AP3S1: variants seen among roughly 807,000 people sequenced by gnomAD.
AP3S1 encodes adaptor related protein complex 3 subunit sigma 1.
AP3S1 carries 12 observed loss-of-function variants against 21.3 expected under a neutral mutation model. The ratio of observed to expected loss-of-function variants is 0.56; its 90% CI spans 0.36 to 0.91. The LOEUF is 0.91. Among genes scored for constraint, AP3S1 ranks in the 40% least tolerant of loss-of-function variants. The probability of loss-of-function intolerance (pLI) is 0.01; values close to 1 mark genes in which losing one functional copy is unlikely to be tolerated. For missense variants in AP3S1, 116 were observed against 225.0 expected, an observed-to-expected ratio of 0.52 and a Z score of 3.10; for synonymous variants, 48 against 78.4, an observed-to-expected ratio of 0.61 and a Z score of 2.05.
intron 3 of AP3S1, among the ~76,000 whole-genome samples, chr5:115,874,133 C>A (rs1470425079): frequency 6.6e-6 from 1 of 152,034 alleles, no homozygotes; most frequent in Non-Finnish European, 1.5e-5. Flanking sequence ...GCTACCCAAA[C>A]GAATGATCAG....
At chr5:115,898,068 C>T (rs949783636) in intron 4 of AP3S1, among the ~76,000 whole-genome samples, 1 of 152,204 alleles carries the variant, frequency 6.6e-6, no homozygotes. Flanking sequence ...CCCATTCACG[C>T]AGTATGTTTA....
At chr5:115,842,316 C>T (rs1475541194) in intron 1 of AP3S1, among the ~76,000 whole-genome samples, 2 of 152,194 alleles carry the variant, frequency 1.3e-5, no homozygotes, top group African/African-American at 2.4e-5. Context: ...CGTGGCTTTG[C>T]CCGGGCGGTT....
chr5:115,906,501 A>G (rs1254005972), intron 5 of AP3S1, among the ~76,000 whole-genome samples: 2 of 152,198 alleles, frequency 1.3e-5, no homozygotes, highest in Non-Finnish European at 2.9e-5. Flanking sequence ...CTCTGAATGT[A>G]TTTCCATCTA....
intron 1 of AP3S1, among the ~76,000 whole-genome samples, chr5:115,843,597 A>G (rs1761822892): frequency 6.6e-6 from 1 of 152,240 alleles, no homozygotes; most frequent in South Asian, 2.1e-4. Flanking sequence ...CCTTTATTGA[A>G]GGAGTCTTTG....
At chr5:115,897,608 C>G (rs1750862432) in intron 4 of AP3S1, among the ~76,000 whole-genome samples, 1 of 151,880 alleles carries the variant, frequency 6.6e-6, no homozygotes, top group Non-Finnish European at 1.5e-5. Flanking sequence ...GTCACCCAGG[C>G]TGGAGTGTAG....
Position 115,842,013 on chromosome 5 carries a change from C to G in AP3S1, c.-25C>G. On this transcript the variant is annotated 5_prime_UTR_variant, in exon 1 of 6. Transcript: ENST00000316788. ...CCCGCCCCCGCCCTGGCCCCCAGTG[C>G]CCACCCGGTCGGCCCGGCACAGCCA... is the stretch of plus-strand genomic sequence containing the variant. The G allele has an allele frequency of 2.5e-6, 4 of 1,575,806 alleles. No homozygotes were observed. The highest frequency in any genetic ancestry group is 2.6e-6 in the Non-Finnish European group (3 of 1,162,188).
At chr5:115,852,973 C>T (rs1320432010) in intron 1 of AP3S1, 1 of 453,210 alleles carries the variant, frequency 2.2e-6, no homozygotes, top group Non-Finnish European at 4.4e-6. Flanking sequence ...ATTCTCATTT[C>T]TCTAGGGTAT....
intron 5 of AP3S1, among the ~76,000 whole-genome samples, chr5:115,910,470 TAGTAAA>T (rs1384136791): frequency 6.6e-6 from 1 of 151,950 alleles, no homozygotes; most frequent in Non-Finnish European, 1.5e-5. Flanking sequence ...AGTTAAGTGT[TAGTAAA>T]AGTTATTTTG....
At chr5:115,889,508 G>A (rs1026782715) in intron 3 of AP3S1, among the ~76,000 whole-genome samples, 2 of 152,092 alleles carry the variant, frequency 1.3e-5, no homozygotes, top group African/African-American at 2.4e-5. Flanking sequence ...ATTCCTTAAA[G>A]TGGACATAAA....
rs116774769 is a variant in AP3S1 at position 115,885,012 on chromosome 5, A to G, written c.274-10075A>G. 1.1e-3 allele frequency among the ~76,000 whole-genome samples: 174 copies of G among 152,262 alleles called. 2 individuals are homozygous for G. The highest frequency in any genetic ancestry group is 4.1e-3 in the African/African-American group (169 of 41,550). On this transcript the variant is annotated intron_variant, in intron 3 of 5. Transcript: ENST00000316788. ...ATAACTTAATATTATGAACTTAACT[A>G]TTATTACTTCTTTCTACTTCCAGAA...
intron 3 of AP3S1, among the ~76,000 whole-genome samples, chr5:115,872,893 C>T (rs1748392670): frequency 6.6e-6 from 1 of 152,064 alleles, no homozygotes; most frequent in South Asian, 2.1e-4. Context: ...TAGAACCATG[C>T]TTTCTATTTC....
intron 1 of AP3S1, among the ~76,000 whole-genome samples, chr5:115,866,458 A>G (rs1374287206): frequency 6.6e-6 from 1 of 152,080 alleles, no homozygotes; most frequent in Non-Finnish European, 1.5e-5. Flanking sequence ...CTTTTATTAT[A>G]GTGGTAAATA....
At chr5:115,885,771 T>G (rs957375759) in intron 3 of AP3S1, among the ~76,000 whole-genome samples, 1 of 152,242 alleles carries the variant, frequency 6.6e-6, no homozygotes, top group African/African-American at 2.4e-5. Context: ...TGTTAATTTA[T>G]TTTGTTCTCC....
In AP3S1 at chr5:115,861,507, T is replaced by C. The variant is rs553397173; in HGVS notation, c.70-5163T>C. ...TTTATTTCTAAGTTTTTTATTTGTT[T>C]AATTTCTTGTTTGGGATGATATTGT... is the stretch of plus-strand genomic sequence containing the variant. On this transcript the variant is annotated intron_variant, in intron 1 of 5. Transcript: ENST00000316788. 4.6e-5 allele frequency among the ~76,000 whole-genome samples: 7 copies of C among 152,332 alleles called. No homozygotes were observed. The South Asian group carries it at 1.4e-3, about 32-fold the overall frequency.
At chr5:115,879,101 A>T (rs1749035244) in intron 3 of AP3S1, among the ~76,000 whole-genome samples, 3 of 152,292 alleles carry the variant, frequency 2.0e-5, no homozygotes, top group Non-Finnish European at 4.4e-5. Flanking sequence ...TTTTGGGCTG[A>T]GACTATGGAG....
At chr5:115,909,513 T>C (rs971373915) in intron 5 of AP3S1, among the ~76,000 whole-genome samples, 1 of 152,226 alleles carries the variant, frequency 6.6e-6, no homozygotes, top group Non-Finnish European at 1.5e-5. Flanking sequence ...TTCTTTTATA[T>C]ACTGTACTTC....
chr5:115,896,850 T>C (rs181084918), intron 4 of AP3S1, among the ~76,000 whole-genome samples: 179 of 152,326 alleles, frequency 1.2e-3, no homozygotes, highest in Non-Finnish European at 2.1e-3. Context: ...AAATGACTGC[T>C]GAGAGGTCAT....
chr5:115,861,240 G>C (rs1295148430), intron 1 of AP3S1, among the ~76,000 whole-genome samples: 1 of 152,208 alleles, frequency 6.6e-6, no homozygotes. Flanking sequence ...CTAGAGAATG[G>C]AGTGTGGAAG....
intron 3 of AP3S1, among the ~76,000 whole-genome samples, chr5:115,878,368 A>T (rs1473598116): frequency 1.3e-5 from 2 of 152,052 alleles, no homozygotes; most frequent in African/African-American, 4.8e-5. Flanking sequence ...ATCTTGACTT[A>T]ATTTTTGTAT....
Sources: gnomAD v4.1 joint callset for allele counts (sites outside exome capture counted in the v4.1 genomes callset) on GRCh38, gnomAD v4.1.1 for gene constraint, MANE v1.5 for transcripts, NCBI Gene and HGNC (gene_info 2026-07-23, HGNC 2026-07-21) for gene names.